Variants in IGSF21 observed in about 807,000 individuals in gnomAD.
IGSF21 encodes the protein immunoglobulin superfamily member 21.
In IGSF21, 28 loss-of-function variants were observed where a neutral mutation model predicts 46.8. The observed-to-expected ratio is 0.60, with a 90% CI of 0.44 to 0.82. IGSF21 has a LOEUF of 0.82. Among genes scored for constraint, IGSF21 ranks in the 40% least tolerant of loss-of-function variants. The pLI, the probability that IGSF21 is intolerant of heterozygous loss-of-function variation, is 0.00. For missense variants in IGSF21, 624 were observed against 665.5 expected, an observed-to-expected ratio of 0.94 and a Z score of 0.69; for synonymous variants, 284 against 273.6, an observed-to-expected ratio of 1.04 and a Z score of -0.38.
At chr1:18,255,103 T>G (rs60560532) in intron 2 of IGSF21, among the ~76,000 whole-genome samples, 2,573 of 152,318 alleles carry the variant, frequency 0.017, 65 homozygotes, top group South Asian at 0.046. Context: ...TGCCCAGATC[T>G]GGTCTTCCAG....
chr1:18,282,635 T>TACACACAC (rs10522294), intron 2 of IGSF21, among the ~76,000 whole-genome samples: 2,130 of 137,604 alleles, frequency 0.015, 20 homozygotes, highest in Middle Eastern at 0.056. Context: ...TCCCCTTACA[T>TACACACAC]ACACACACAC....
At chr1:18,320,373 G>A (rs569154851) in intron 3 of IGSF21, among the ~76,000 whole-genome samples, 1 of 152,326 alleles carries the variant, frequency 6.6e-6, no homozygotes, top group East Asian at 1.9e-4. Flanking sequence ...TACTTTTTAA[G>A]AGAACCCAGA....
At chr1:18,153,480 C>A (rs911466255) in intron 1 of IGSF21, among the ~76,000 whole-genome samples, 1 of 152,202 alleles carries the variant, frequency 6.6e-6, no homozygotes, top group Non-Finnish European at 1.5e-5. Context: ...CTAAGCGCAG[C>A]CAAACCCAGT....
At chr1:18,150,253 G>A (rs1207841736) in intron 1 of IGSF21, among the ~76,000 whole-genome samples, 1 of 152,170 alleles carries the variant, frequency 6.6e-6, no homozygotes, top group Non-Finnish European at 1.5e-5. Context: ...AGAGAATTTA[G>A]GTTTTGGAAC....
At chr1:18,297,119 C>A (rs75925555) in intron 3 of IGSF21, among the ~76,000 whole-genome samples, 6 of 152,194 alleles carry the variant, frequency 3.9e-5, no homozygotes, top group Non-Finnish European at 4.4e-5. Context: ...CCCGCCCCCC[C>A]ACTAGACTGG....
At chr1:18,127,842 G>A (rs1311630556) in intron 1 of IGSF21, among the ~76,000 whole-genome samples, 4 of 152,146 alleles carry the variant, frequency 2.6e-5, no homozygotes, top group Admixed American at 6.5e-5. Context: ...CCGGGAAGTC[G>A]AGGTTATAGT....
Position 18,227,930 on chromosome 1 carries a change from C to A in IGSF21, c.103C>A (p.Pro35Thr), listed in dbSNP as rs150336992. Residue 35 changes from proline (P) to threonine (T), a missense_variant, in exon 2 of 10, where the codon CCT (proline) becomes ACT (threonine). Transcript: ENST00000251296. ...GACAGTCAACATTGAGCCTCTCCCC[C>A]CTGTGGTGGCTGGAGACGCCGTGAC... ...YLTVNIEPLP[P>T]VVAGDAVTLK... 1.4e-4 allele frequency: 223 copies of A among 1,614,076 alleles called. No individual in the cohort carries two copies. Among genetic ancestry groups the A allele is most frequent in the East Asian group, 1.2e-3 (52 of 44,876 alleles).
chr1:18,136,810 T>C (rs2086371489), intron 1 of IGSF21, among the ~76,000 whole-genome samples: 1 of 152,172 alleles, frequency 6.6e-6, no homozygotes, highest in Non-Finnish European at 1.5e-5. Context: ...ATTGGTAGCT[T>C]GATGGGGATG....
intron 2 of IGSF21, among the ~76,000 whole-genome samples, chr1:18,232,219 G>T (rs867836007): frequency 6.9e-4 from 3 of 4,366 alleles, no homozygotes; most frequent in Admixed American, 1.9e-3. Flanking sequence ...CTTTTTTTTG[G>T]CTAATAGAGT....
intron 1 of IGSF21, among the ~76,000 whole-genome samples, chr1:18,187,079 T>A (rs1208336206): frequency 6.6e-6 from 1 of 151,764 alleles, no homozygotes; most frequent in African/African-American, 2.4e-5. Flanking sequence ...AACTATAGAT[T>A]ATTTTTTTTT....
At chr1:18,325,521 GC>G (rs1027687067) in intron 3 of IGSF21, among the ~76,000 whole-genome samples, 24 of 152,136 alleles carry the variant, frequency 1.6e-4, no homozygotes, top group African/African-American at 2.9e-4. Flanking sequence ...ATTCTGCCAT[GC>G]CTCTTTCCTA....
chr1:18,299,103 G>A (rs1249501109), intron 3 of IGSF21, among the ~76,000 whole-genome samples: 2 of 152,314 alleles, frequency 1.3e-5, no homozygotes, highest in East Asian at 3.9e-4. Context: ...ATTTGAAGTG[G>A]TTCTAGAGGC....
At chr1:18,309,940 C>T (rs1046124893) in intron 3 of IGSF21, among the ~76,000 whole-genome samples, 14 of 152,176 alleles carry the variant, frequency 9.2e-5, no homozygotes, top group Middle Eastern at 6.3e-3. Context: ...TGCCAGCCGA[C>T]GAGGCCCTGG....
At chr1:18,177,392 G>GATGGACTGTGGTC (rs1553151722) in intron 1 of IGSF21, among the ~76,000 whole-genome samples, 6 of 125,018 alleles carry the variant, frequency 4.8e-5, no homozygotes, top group African/African-American at 1.8e-4. Context: ...GGGTCAGTGA[G>GATGGACTGTGGTC]GTGTGTGTGT....
chr1:18,284,987 T>G (rs533980712), intron 2 of IGSF21, among the ~76,000 whole-genome samples: 1 of 152,186 alleles, frequency 6.6e-6, no homozygotes. Flanking sequence ...GTTGGGATAA[T>G]GTAGACAGGC....
chr1:18,235,115 T>C (rs934948342), intron 2 of IGSF21, among the ~76,000 whole-genome samples: 19 of 152,160 alleles, frequency 1.2e-4, no homozygotes, highest in African/African-American at 4.6e-4. Flanking sequence ...CATTCTACAG[T>C]TATTGAATCT....
rs1333575213 is a variant in IGSF21, at chr1:18,377,109, A to T, written c.1294+117A>T. ...CAAAATTTTGGGCCTAAATCTCCCA[A>T]ATTTGCCCTGAGAGGGTGCCCCACT... On this transcript the variant is annotated intron_variant, in intron 8 of 9. Transcript: ENST00000251296. The T allele has an allele frequency of 3.5e-6, 4 of 1,132,694 alleles. No individual in the cohort carries two copies. The East Asian group carries it at 1.0e-4, about 29-fold the overall frequency. 70.2% of individuals were successfully genotyped at this position (1,132,694 alleles called of 1,614,324 possible).
intron 3 of IGSF21, among the ~76,000 whole-genome samples, chr1:18,293,050 T>C (rs2085282433): frequency 6.6e-6 from 1 of 152,182 alleles, no homozygotes; most frequent in Non-Finnish European, 1.5e-5. Flanking sequence ...CACCATGCTA[T>C]GTGGATGTCT....
At chr1:18,204,591 G>A (rs2087107678) in intron 1 of IGSF21, among the ~76,000 whole-genome samples, 1 of 152,192 alleles carries the variant, frequency 6.6e-6, no homozygotes, top group African/African-American at 2.4e-5. Context: ...GGGAGATGAA[G>A]GGGAGAGGGG....
Sources: allele counts gnomAD v4.1 joint callset (sites outside exome capture counted in the v4.1 genomes callset), GRCh38; gene constraint gnomAD v4.1.1; transcripts MANE v1.5; gene names NCBI Gene and HGNC (gene_info 2026-07-23, HGNC 2026-07-21).